The following UGT1A7 variants were observed in gnomAD, a reference collection of about 807,000 sequenced individuals.
UGT1A7 encodes UDP glucuronosyltransferase family 1 member A7.
A neutral mutation model predicts 45.6 loss-of-function variants in UGT1A7; 33 were observed. The observed-to-expected ratio is 0.72, with a 90% confidence interval of 0.55 to 0.97. UGT1A7 has a LOEUF of 0.97. Ranked by LOEUF, UGT1A7 falls within the 50% of genes least tolerant of loss-of-function variation. UGT1A7 has a pLI of 0.00. For synonymous variants in UGT1A7, 274 were observed against 250.6 expected, an observed-to-expected ratio of 1.09 and a Z score of -0.88; for missense variants, 684 against 666.2, an observed-to-expected ratio of 1.03 and a Z score of -0.29.
rs764832601 is a variant in UGT1A7 at position 233,682,041 on chromosome 2, G to A, written c.104G>A (p.Gly35Glu). The change falls in exon 1 of 5, where the codon GGG (glycine) becomes GAG (glutamate). Residue 35 changes from glycine to glutamate, a missense_variant. Gly to Glu is a moderately conservative substitution (Grantham distance 98). Transcript: ENST00000373426. The part of the protein sequence containing the change: ...AGKLLVVPMD[G>E]SHWFTMQSVV... ...AAGCTGCTGGTAGTGCCCATGGATG[G>A]GAGCCACTGGTTCACCATGCAGTCG... The A allele has an allele frequency of 3.1e-6, 5 of 1,614,116 alleles. No homozygotes were observed. The Admixed American group carries it at 8.3e-5, about 27-fold the overall frequency.
intron 1 of UGT1A7, chr2:233,743,973 G>C (rs1575662575): frequency 7.6e-7 from 1 of 1,312,160 alleles, no homozygotes; most frequent in East Asian, 4.7e-5. Flanking sequence ...AAGGCTGCCA[G>C]CACCCAGGCG....
intron 1 of UGT1A7, chr2:233,692,869 G>T: frequency 2.0e-6 from 3 of 1,484,506 alleles, no homozygotes; most frequent in Non-Finnish European, 2.7e-6. Context: ...ACATATCAAA[G>T]GGTAAAATTC....
At position 233,744,183 on chromosome 2, in the gene UGT1A7, A is replaced by G. The variant is rs1026910418; in HGVS notation, c.856-22851A>G. 8.6e-5 allele frequency among the ~76,000 whole-genome samples: 13 copies of G among 151,842 alleles called. 1 individual carries two copies. The highest frequency in any genetic ancestry group is 2.7e-4 in the African/African-American group (11 of 41,106). On this transcript the variant is annotated intron_variant, in intron 1 of 4. Transcript: ENST00000373426. Reference sequence around the variant, plus strand: ...CGCCCACTCCGGCCTCCAACCAGCCATGGTCTCCAAAAAGGATGGGAAAAA... The same window carrying G: ...CGCCCACTCCGGCCTCCAACCAGCCGTGGTCTCCAAAAAGGATGGGAAAAA...
intron 1 of UGT1A7, among the ~76,000 whole-genome samples, chr2:233,710,986 G>T (rs2076156562): frequency 6.6e-6 from 1 of 152,224 alleles, no homozygotes; most frequent in Non-Finnish European, 1.5e-5. Flanking sequence ...CAATCATTCA[G>T]ATCAGGCTAT....
intron 1 of UGT1A7, chr2:233,747,161 T>G (rs1379278040): frequency 2.1e-5 from 34 of 1,586,670 alleles, no homozygotes; most frequent in South Asian, 2.3e-5. Flanking sequence ...AGAAAACAAA[T>G]GTAGGAGGCA....
At chr2:233,749,028 G>A (rs564218690) in intron 1 of UGT1A7, among the ~76,000 whole-genome samples, 2 of 151,604 alleles carry the variant, frequency 1.3e-5, no homozygotes, top group Non-Finnish European at 2.9e-5. Flanking sequence ...AATATTTGGG[G>A]TTCATTGATG....
chr2:233,707,867 C>T (rs1275406716), intron 1 of UGT1A7, among the ~76,000 whole-genome samples: 2 of 152,118 alleles, frequency 1.3e-5, no homozygotes, highest in African/African-American at 4.8e-5. Flanking sequence ...TTGTACATAT[C>T]CCTGATTGCT....
At chr2:233,703,469 A>G (rs371655525) in intron 1 of UGT1A7, among the ~76,000 whole-genome samples, 4 of 150,764 alleles carry the variant, frequency 2.7e-5, no homozygotes, top group African/African-American at 4.9e-5. Flanking sequence ...ATTCTTTATT[A>G]TTTTCTGCCT....
intron 1 of UGT1A7, chr2:233,692,923 A>G: frequency 6.4e-7 from 1 of 1,573,424 alleles, no homozygotes; most frequent in Non-Finnish European, 8.6e-7. Flanking sequence ...AGCAGTGGTT[A>G]GTTTAGGGAA....
chr2:233,716,991 C>T (rs976570789), intron 1 of UGT1A7, among the ~76,000 whole-genome samples: 2 of 152,184 alleles, frequency 1.3e-5, no homozygotes, highest in African/African-American at 2.4e-5. Flanking sequence ...TCCTGCTGTC[C>T]TCAGGGCCCC....
At chr2:233,755,130 T>C (rs191550208) in intron 1 of UGT1A7, 4 of 1,321,300 alleles carry the variant, frequency 3.0e-6, no homozygotes, top group African/African-American at 1.5e-5. Flanking sequence ...AGCCACCTGC[T>C]TGAATCTTCT....
chr2:233,759,959 G>A (rs149939396), intron 1 of UGT1A7, among the ~76,000 whole-genome samples: 41 of 152,230 alleles, frequency 2.7e-4, no homozygotes, highest in African/African-American at 8.9e-4. Context: ...CTACATAGTC[G>A]TCCTTCTTCC....
chr2:233,754,935 A>G, intron 1 of UGT1A7: 2 of 1,340,028 alleles, frequency 1.5e-6, no homozygotes, highest in Non-Finnish European at 2.0e-6. Context: ...CAAGAGGTCA[A>G]AGGAGAATGG....
intron 1 of UGT1A7, among the ~76,000 whole-genome samples, chr2:233,717,530 G>A (rs1276644259): frequency 6.6e-6 from 1 of 152,220 alleles, no homozygotes; most frequent in African/African-American, 2.4e-5. Flanking sequence ...CCTCCATAAG[G>A]GAAGCCTCAG....
rs537677937 is a variant in UGT1A7, at chr2:233,740,168, A to T, written c.856-26866A>T. On this transcript the variant is annotated intron_variant, in intron 1 of 4. Transcript: ENST00000373426. ...CCTGAGGCCTCCCCAGTCATGTGGA[A>T]CTGTGAGTCAATTAAACCTCTTTCT... Among the ~76,000 whole-genome samples the T allele has an allele frequency of 6.6e-5, 10 of 151,934 alleles. No homozygotes were observed. In the East Asian group the frequency reaches 9.6e-4, roughly 15 times the overall value.
intron 1 of UGT1A7, chr2:233,719,399 T>C (rs2076762082): frequency 1.2e-6 from 2 of 1,613,992 alleles, no homozygotes; most frequent in Non-Finnish European, 8.5e-7. Context: ...CTTCCTCCTA[T>C]ATTCCTAAGT....
chr2:233,712,436 A>G (rs2076234082), intron 1 of UGT1A7, among the ~76,000 whole-genome samples: 2 of 152,212 alleles, frequency 1.3e-5, no homozygotes, highest in African/African-American at 2.4e-5. Flanking sequence ...CCTGGTGTGA[A>G]AAACGACCAA....
In UGT1A7 at chr2:233,693,578, A is replaced by G. The variant is rs754174364; in HGVS notation, c.855+10786A>G. On this transcript the variant is annotated intron_variant, in intron 1 of 4. Coordinates refer to ENST00000373426, the MANE Select transcript of UGT1A7 (RefSeq NM_019077.3). ...CAGAAGCCCAGACCCTGTGTCCTAC[A>G]TTCCCAGGTGCTACACAAAGTTTTC... 1.2e-5 allele frequency: 19 copies of G among 1,614,074 alleles called. 1 individual carries two copies. The highest frequency in any genetic ancestry group is 3.3e-4 in the Middle Eastern group (2 of 6,084).
Position 233,769,607 on chromosome 2 carries a change from C to T in UGT1A7, c.1295+1168C>T. On this transcript the variant is annotated intron_variant, in intron 4 of 4. Transcript: ENST00000373426. The surrounding 1 kb of genome is among the most constrained non-coding windows in gnomAD (Gnocchi z 4.4). ...TGAGAGGAGACGGAACACGGGGACA[C>T]ACCAGCTTGAGCAAGGGACAACAGG... 6.2e-7 allele frequency: 1 copy of T among 1,612,808 alleles called. No individual in the cohort carries two copies. The highest frequency in any genetic ancestry group is 1.1e-5 in the South Asian group (1 of 91,046).
Sources: gnomAD v4.1 joint callset for allele counts (sites outside exome capture counted in the v4.1 genomes callset) on GRCh38, gnomAD v4.1.1 for gene constraint, Gnocchi (gnomAD v3.1) non-coding constraint, MANE v1.5 for transcripts, NCBI Gene and HGNC (gene_info 2026-07-23, HGNC 2026-07-21) for gene names.